The following CSMD1 variants were observed in gnomAD, a reference collection of about 807,000 sequenced individuals.
CSMD1 encodes CUB and Sushi multiple domains 1.
A neutral mutation model predicts 417.5 loss-of-function variants in CSMD1; 213 were observed. That is an observed-to-expected ratio of 0.51 (90% CI 0.46 to 0.57). The LOEUF (loss-of-function observed/expected upper bound fraction) is 0.57. Among genes scored for constraint, CSMD1 ranks in the 20% least tolerant of loss-of-function variants. CSMD1 has a pLI of 0.00. For missense variants in CSMD1, 6,923 were observed against 4,529.7 expected, an observed-to-expected ratio of 1.53 and a Z score of -15.17; for synonymous variants, 2,862 against 1,736.8, an observed-to-expected ratio of 1.65 and a Z score of -16.11.
At chr8:4,948,942 T>C (rs765427986) in intron 1 of CSMD1, among the ~76,000 whole-genome samples, 54 of 152,306 alleles carry the variant, frequency 3.5e-4, no homozygotes, top group Non-Finnish European at 6.9e-4. Context: ...GATATAATTT[T>C]AGATGTACTT....
intron 3 of CSMD1, among the ~76,000 whole-genome samples, chr8:4,336,640 C>G (rs534563644): frequency 1.3e-5 from 2 of 152,262 alleles, no homozygotes; most frequent in East Asian, 3.9e-4. Flanking sequence ...AGCACATGAG[C>G]ATGCTTCACT....
intron 1 of CSMD1, among the ~76,000 whole-genome samples, chr8:4,757,409 T>A (rs917019936): frequency 1.3e-5 from 2 of 152,180 alleles, no homozygotes; most frequent in Non-Finnish European, 2.9e-5. Flanking sequence ...ATCTATACAA[T>A]AGTCACCAAT....
intron 1 of CSMD1, among the ~76,000 whole-genome samples, chr8:4,713,572 T>C (rs1429397825): frequency 2.0e-5 from 3 of 152,120 alleles, no homozygotes; most frequent in African/African-American, 7.2e-5. Context: ...TAGTTAATTT[T>C]TTATTTTTAG....
At chr8:4,052,444 G>A (rs1193124716) in intron 3 of CSMD1, among the ~76,000 whole-genome samples, 1 of 152,096 alleles carries the variant, frequency 6.6e-6, no homozygotes, top group African/African-American at 2.4e-5. Flanking sequence ...TGTAGTGAGG[G>A]GTGATTTTGC....
At chr8:3,613,571 A>G (rs893341012) in intron 8 of CSMD1, among the ~76,000 whole-genome samples, 2 of 152,082 alleles carry the variant, frequency 1.3e-5, no homozygotes, top group Non-Finnish European at 2.9e-5. Flanking sequence ...AATTAATATT[A>G]TTTCAGAATA....
chr8:3,027,992 C>T (rs1228948256), intron 51 of CSMD1, among the ~76,000 whole-genome samples: 3 of 152,184 alleles, frequency 2.0e-5, no homozygotes, highest in Non-Finnish European at 4.4e-5. Context: ...GGAAGATTGT[C>T]ACGCAGCAAA....
intron 5 of CSMD1, among the ~76,000 whole-genome samples, chr8:3,840,886 T>C (rs573674001): frequency 1.1e-4 from 16 of 152,018 alleles, no homozygotes; most frequent in African/African-American, 3.4e-4. Flanking sequence ...TTTGTATTTT[T>C]AGTAGAGACG....
intron 4 of CSMD1, among the ~76,000 whole-genome samples, chr8:4,030,660 G>A (rs2083090079): frequency 1.3e-5 from 2 of 152,120 alleles, no homozygotes; most frequent in African/African-American, 2.4e-5. Context: ...ATGGTCTTGG[G>A]GATTAACTTT....
At chr8:3,632,384 A>G (rs1490011663) in intron 7 of CSMD1, among the ~76,000 whole-genome samples, 1 of 152,084 alleles carries the variant, frequency 6.6e-6, no homozygotes, top group East Asian at 1.9e-4. Context: ...GACTTATTGA[A>G]TCAAAATTAA....
At chr8:3,393,579 G>C (rs144833268) in intron 17 of CSMD1, among the ~76,000 whole-genome samples, 21 of 152,052 alleles carry the variant, frequency 1.4e-4, no homozygotes, top group African/African-American at 3.9e-4. Flanking sequence ...GCAAAGACTT[G>C]GAAACAACCC....
At chr8:3,809,475 T>A (rs960733171) in intron 5 of CSMD1, among the ~76,000 whole-genome samples, 2 of 152,208 alleles carry the variant, frequency 1.3e-5, no homozygotes, top group African/African-American at 4.8e-5. Flanking sequence ...TAGTTCATAC[T>A]GGGCTGCGTG....
intron 3 of CSMD1, among the ~76,000 whole-genome samples, chr8:4,286,600 T>C (rs1244789071): frequency 6.6e-6 from 1 of 152,108 alleles, no homozygotes; most frequent in African/African-American, 2.4e-5. Context: ...GCCTCATCTA[T>C]TAGGTTTGGG....
chr8:4,743,374 A>T (rs1188543501), intron 1 of CSMD1, among the ~76,000 whole-genome samples: 2 of 152,180 alleles, frequency 1.3e-5, no homozygotes, highest in African/African-American at 4.8e-5. Context: ...CGTTCACAGG[A>T]TGGAAATTAT....
chr8:4,005,273 A>G (rs766624136), intron 4 of CSMD1, among the ~76,000 whole-genome samples: 24 of 152,194 alleles, frequency 1.6e-4, no homozygotes, highest in Non-Finnish European at 2.2e-4. Context: ...CTACACCCCA[A>G]TAACTTATAG....
chr8:4,267,310 A>G (rs906353466), intron 3 of CSMD1, among the ~76,000 whole-genome samples: 3 of 103,818 alleles, frequency 2.9e-5, no homozygotes, highest in African/African-American at 7.8e-5. Context: ...TAGAAAATAT[A>G]ATTTAAAAAT....
At chr8:4,572,416 C>G (rs921895381) in intron 2 of CSMD1, among the ~76,000 whole-genome samples, 2 of 152,192 alleles carry the variant, frequency 1.3e-5, no homozygotes, top group Non-Finnish European at 2.9e-5. Flanking sequence ...GTTGAAAATA[C>G]TTTTCTTCAA....
At chr8:4,280,834 T>C (rs1363810512) in intron 3 of CSMD1, among the ~76,000 whole-genome samples, 1 of 152,214 alleles carries the variant, frequency 6.6e-6, no homozygotes, top group Non-Finnish European at 1.5e-5. Context: ...TATAAGACTT[T>C]TATCTTCATT....
chr8:4,127,280 G>C (rs972106756), intron 3 of CSMD1, among the ~76,000 whole-genome samples: 1 of 151,716 alleles, frequency 6.6e-6, no homozygotes. Flanking sequence ...TTATTCTCAT[G>C]CGGCTCCCTC....
intron 18 of CSMD1, among the ~76,000 whole-genome samples, chr8:3,377,428 A>G (rs1459784880): frequency 6.6e-6 from 1 of 152,224 alleles, no homozygotes; most frequent in African/African-American, 2.4e-5. Context: ...ACATACATTT[A>G]TATCGACAGA....
Sources: gnomAD v4.1 joint callset for allele counts (sites outside exome capture counted in the v4.1 genomes callset) on GRCh38, gnomAD v4.1.1 for gene constraint, MANE v1.5 for transcripts, NCBI Gene and HGNC (gene_info 2026-07-23, HGNC 2026-07-21) for gene names.